DPP10: variants seen among roughly 807,000 people sequenced by gnomAD.
DPP10 encodes dipeptidyl peptidase like 10.
DPP10 carries 33 observed loss-of-function variants against 120.9 expected under a neutral mutation model. The ratio of observed to expected loss-of-function variants is 0.27; its 90% CI spans 0.21 to 0.37. The LOEUF (loss-of-function observed/expected upper bound fraction) is 0.37. Among genes scored for constraint, DPP10 ranks in the 10% least tolerant of loss-of-function variants. The probability of loss-of-function intolerance (pLI) is 1.00; values close to 1 mark genes in which losing one functional copy is unlikely to be tolerated. For missense variants in DPP10, 816 were observed against 942.8 expected (o/e 0.87, Z 1.76); for synonymous variants, 337 against 326.1 (o/e 1.03, Z -0.36).
At chr2:114,524,530 G>A (rs1489530865) in intron 1 of DPP10, among the ~76,000 whole-genome samples, 1 of 152,218 alleles carries the variant, frequency 6.6e-6, no homozygotes, top group South Asian at 2.1e-4. Context: ...AGAACAGGTT[G>A]CTTGTTCACT....
chr2:115,261,132 A>G (rs1037955606), intron 1 of DPP10, among the ~76,000 whole-genome samples: 3 of 152,214 alleles, frequency 2.0e-5, no homozygotes, highest in African/African-American at 4.8e-5. Flanking sequence ...AGAAAAAACA[A>G]CAACAAGAAC....
intron 1 of DPP10, among the ~76,000 whole-genome samples, chr2:114,508,573 A>G (rs1198829901): frequency 6.6e-6 from 1 of 152,184 alleles, no homozygotes; most frequent in Admixed American, 6.5e-5. Context: ...TTTCGTGTGA[A>G]CTTACTCTCC....
At chr2:115,678,612 G>A (rs2090441735) in intron 5 of DPP10, among the ~76,000 whole-genome samples, 1 of 152,254 alleles carries the variant, frequency 6.6e-6, no homozygotes, top group Non-Finnish European at 1.5e-5. Context: ...GAAGGAAAAT[G>A]TAGGGTTGGA....
At chr2:115,710,209 A>T (rs770835271) in intron 7 of DPP10, among the ~76,000 whole-genome samples, 7 of 152,132 alleles carry the variant, frequency 4.6e-5, no homozygotes, top group African/African-American at 7.2e-5. Flanking sequence ...GGGAACTCGG[A>T]TCTTCAGGAA....
intron 1 of DPP10, among the ~76,000 whole-genome samples, chr2:115,293,246 C>T (rs554610394): frequency 9.2e-5 from 14 of 152,170 alleles, no homozygotes; most frequent in Admixed American, 9.2e-4. Context: ...AATGAACATC[C>T]AGAAGTTGCT....
At chr2:114,872,395 C>G (rs1197024658) in intron 1 of DPP10, among the ~76,000 whole-genome samples, 1 of 152,104 alleles carries the variant, frequency 6.6e-6, no homozygotes, top group African/African-American at 2.4e-5. Flanking sequence ...CCCACAAGGT[C>G]CCTCCCCCAA....
chr2:115,138,065 CAA>C (rs1242376752), intron 1 of DPP10, among the ~76,000 whole-genome samples: 2 of 152,094 alleles, frequency 1.3e-5, no homozygotes, highest in Non-Finnish European at 2.9e-5. Context: ...AAAGCTGAAA[CAA>C]AGAGTTTTTA....
chr2:114,442,788 A>C lies in DPP10; in HGVS notation c.10A>C (p.Thr4Pro). The change falls in exon 1 of 26, where the codon ACT becomes CCT. Residue 4 changes from threonine (T) to proline (P), a missense_variant. Coordinates refer to ENST00000410059, the MANE Select transcript of DPP10 (RefSeq NM_020868.6). Reference protein sequence around the residue: MNQTASVSHHIKCQ... With the variant: MNQPASVSHHIKCQ... ...TCCAGGGTCCTGAAACATGAACCAA[A>C]CTGCCAGCGTGTCCCATCACATCAA... 1.2e-6 allele frequency: 2 copies of C among 1,613,378 alleles called. No individual in the cohort carries two copies. The highest frequency in any genetic ancestry group is 1.1e-5 in the South Asian group (1 of 91,088).
intron 5 of DPP10, among the ~76,000 whole-genome samples, chr2:115,687,281 A>G (rs1374992887): frequency 1.3e-5 from 2 of 151,912 alleles, no homozygotes; most frequent in Non-Finnish European, 2.9e-5. Context: ...GCCCTCCCCC[A>G]TATTCTTTAT....
chr2:115,139,724 TAAAAAAA>T (rs55826687), intron 1 of DPP10, among the ~76,000 whole-genome samples: 20 of 56,620 alleles, frequency 3.5e-4, no homozygotes, highest in South Asian at 1.1e-3. Context: ...GTAAAAATAC[TAAAAAAA>T]AAAAAAAAAA....
chr2:115,116,123 A>G (rs2049490422), intron 1 of DPP10, among the ~76,000 whole-genome samples: 1 of 151,710 alleles, frequency 6.6e-6, no homozygotes, highest in South Asian at 2.1e-4. Context: ...ACTTAAATAG[A>G]CACAATGATT....
intron 3 of DPP10, among the ~76,000 whole-genome samples, chr2:115,406,299 G>A (rs1399818545): frequency 1.3e-5 from 2 of 152,148 alleles, no homozygotes; most frequent in East Asian, 1.9e-4. Flanking sequence ...GGCTTTTACT[G>A]TTAATATTTC....
At chr2:115,541,773 A>G (rs1367125484) in intron 5 of DPP10, among the ~76,000 whole-genome samples, 3 of 151,960 alleles carry the variant, frequency 2.0e-5, no homozygotes, top group Admixed American at 2.0e-4. Context: ...TGGATATAGC[A>G]CAGAACAAAA....
At chr2:115,507,900 T>G (rs969852170) in intron 4 of DPP10, among the ~76,000 whole-genome samples, 3 of 152,072 alleles carry the variant, frequency 2.0e-5, no homozygotes, top group Non-Finnish European at 2.9e-5. Flanking sequence ...TTGGAGAAGG[T>G]AAAAAGTAGG....
chr2:115,403,060 C>G (rs943280027), intron 3 of DPP10, among the ~76,000 whole-genome samples: 5 of 150,542 alleles, frequency 3.3e-5, no homozygotes, highest in African/African-American at 1.2e-4. Context: ...TTAAAAGAAT[C>G]ATTTTTCACA....
intron 12 of DPP10, among the ~76,000 whole-genome samples, chr2:115,766,318 ATATATATG>A (rs1210687961): frequency 2.7e-4 from 23 of 83,942 alleles, no homozygotes; most frequent in African/African-American, 6.6e-4. Flanking sequence ...GTGTATATAT[ATATATATG>A]TATATATATA....
chr2:115,827,414 G>GTGTATATATATATA (rs1271865370), intron 21 of DPP10, among the ~76,000 whole-genome samples: 9 of 75,450 alleles, frequency 1.2e-4, no homozygotes, highest in Admixed American at 1.8e-4. Flanking sequence ...ATGTGTGTGT[G>GTGTATATATATATA]TATATATATA....
At chr2:114,615,758 C>T (rs891106728) in intron 1 of DPP10, among the ~76,000 whole-genome samples, 2 of 152,088 alleles carry the variant, frequency 1.3e-5, no homozygotes, top group South Asian at 4.1e-4. Context: ...AAGGGAGAAC[C>T]TGACATAAAT....
At chr2:115,302,050 G>GA (rs1342312272) in intron 1 of DPP10, among the ~76,000 whole-genome samples, 4 of 152,006 alleles carry the variant, frequency 2.6e-5, no homozygotes, top group Non-Finnish European at 5.9e-5. Context: ...GACGGCCTCA[G>GA]AAAACTTACC....
Sources: allele counts gnomAD v4.1 joint callset (sites outside exome capture counted in the v4.1 genomes callset), GRCh38; gene constraint gnomAD v4.1.1; transcripts MANE v1.5; gene names NCBI Gene and HGNC (gene_info 2026-07-23, HGNC 2026-07-21).